The following TTLL3 variants were observed in gnomAD, a reference collection of about 807,000 sequenced individuals.
TTLL3 encodes tubulin monoglycylase TTLL3.
A neutral mutation model predicts 75.2 loss-of-function variants in TTLL3; 63 were observed. The ratio of observed to expected loss-of-function variants is 0.84; its 90% CI spans 0.68 to 1.03. The LOEUF (loss-of-function observed/expected upper bound fraction) is 1.03. TTLL3 is among the 50% of genes least tolerant of loss of function. The pLI, the probability that TTLL3 is intolerant of heterozygous loss-of-function variation, is 0.00. For synonymous variants in TTLL3, 393 were observed against 418.5 expected, an observed-to-expected ratio of 0.94 and a Z score of 0.74; for missense variants, 997 against 1,069.9, an observed-to-expected ratio of 0.93 and a Z score of 0.95.
Position 9,827,049 on chromosome 3 carries a change from C to A in TTLL3, c.1056C>A (p.Asn352Lys), listed in dbSNP as rs770810356. 26 of 1,614,176 alleles carry A rather than the reference C, an allele frequency of 1.6e-5. No homozygotes were observed. The African/African-American group carries it at 2.3e-4, about 14-fold the overall frequency. Residue 352 changes from asparagine (N) to lysine (K), a missense_variant, in exon 10 of 14, where the codon AAC becomes AAA. Coordinates refer to ENST00000685419, the MANE Select transcript of TTLL3 (RefSeq NM_001387446.1). The stretch of plus-strand genomic sequence containing the variant: ...AGATGCTGAAGCTGGTGAACGGCAA[C>A]CCCGTGGTGATGAAGGACGGCAAGT... ...LEEMLKLVNGNPVVMKDGKWV... is the reference protein window; with the variant it reads ...LEEMLKLVNGKPVVMKDGKWV...
chr3:9,829,260 C>T lies in TTLL3; in HGVS notation c.1548C>T (p.Ser516=). Residue 516 remains serine (S), a synonymous_variant, in exon 11 of 14, where the codon AGC becomes AGT. Coordinates refer to ENST00000685419, the MANE Select transcript of TTLL3 (RefSeq NM_001387446.1). ...FQPWLIEINA[S]PTMAPSTAVT... is the part of the protein sequence containing the mutation. Reference sequence around the variant, plus strand: ...CCTGGCTGATTGAGATCAACGCCAGCCCCACGATGGCACCCTCCACAGCAG... The same window carrying T: ...CCTGGCTGATTGAGATCAACGCCAGTCCCACGATGGCACCCTCCACAGCAG... The T allele has an allele frequency of 6.2e-7, 1 of 1,614,228 alleles. No individual in the cohort carries two copies. Among genetic ancestry groups the T allele is most frequent in the Non-Finnish European group, 8.5e-7 (1 of 1,180,040 alleles).
chr3:9,828,538 G>C (rs983542519), intron 10 of TTLL3: 2 of 184,520 alleles, frequency 1.1e-5, no homozygotes, highest in African/African-American at 4.7e-5. Context: ...AGTGGGTACT[G>C]TTACTACCCC....
chr3:9,825,636 A>C (rs1368114954), intron 8 of TTLL3, 164 bp from the exon 9 acceptor site: 2 of 1,299,724 alleles, frequency 1.5e-6, no homozygotes, highest in Non-Finnish European at 2.2e-6. Flanking sequence ...GGGTGGCTTG[A>C]AGGTGGGGCC....
chr3:9,813,142 T>A, intron 3 of TTLL3, 31 bp downstream of exon 3: 1 of 1,595,824 alleles, frequency 6.3e-7, no homozygotes, highest in Non-Finnish European at 8.6e-7. Flanking sequence ...CCACAGCTGT[T>A]GCTCCTGAGT....
At position 9,816,181 on chromosome 3, in the gene TTLL3, G is replaced by A. The variant is rs887783354; in HGVS notation, c.423G>A (p.Arg141=). ...ATCAGATGATAAACCACTACGCCCG[G>A]GCTGGCTCCTTTACCACAAAGGTGG... is the stretch of plus-strand genomic sequence containing the variant. ...SKDQMINHYA[R]AGSFTTKVGL... is the part of the protein sequence containing the mutation. Residue 141 remains arginine (R), a synonymous_variant, in exon 5 of 14, where the codon CGG becomes CGA. Transcript: ENST00000685419. 1.5e-6 allele frequency: 2 copies of A among 1,354,340 alleles called. No homozygotes were observed. The highest frequency in any genetic ancestry group is 2.0e-6 in the Non-Finnish European group (2 of 1,016,112). The allele number at this position is 1,354,340 out of a possible 1,614,324, so 83.9% of individuals were successfully genotyped here.
chr3:9,809,911 G>C, upstream of TTLL3: 1 of 904,074 alleles, frequency 1.1e-6, no homozygotes, highest in South Asian at 3.5e-5. Flanking sequence ...GGAGGACAAG[G>C]CTCGAGCCTA....
chr3:9,833,972 T>C (rs1182523683), intron 12 of TTLL3: 1 of 173,498 alleles, frequency 5.8e-6, no homozygotes, highest in Admixed American at 5.5e-5. Flanking sequence ...ATTAGCCGAG[T>C]GTAGGGGCAG....
intron 5 of TTLL3, 199 bp from the exon 6 acceptor site, chr3:9,817,446 G>A: frequency 4.1e-6 from 4 of 985,012 alleles, no homozygotes; most frequent in East Asian, 1.1e-4. Context: ...AATGTGAAAG[G>A]GGGGACAGGA....
chr3:9,821,779 G>T (rs961202926), intron 8 of TTLL3, among the ~76,000 whole-genome samples: 1 of 152,112 alleles, frequency 6.6e-6, no homozygotes, highest in Non-Finnish European at 1.5e-5. Context: ...GAGGCGGGCA[G>T]ATCACTTGAG....
chr3:9,817,251 C>T lies in TTLL3; in HGVS notation c.445-394C>T, dbSNP rs549391542. On this transcript the variant is annotated intron_variant, in intron 5 of 13. Coordinates refer to ENST00000685419, the MANE Select transcript of TTLL3 (RefSeq NM_001387446.1). ...CATCCTGGCTAACACGGTGAAATGC[C>T]GTCTCTATTAAAAATACAACAAATT... is the stretch of plus-strand genomic sequence containing the variant. Among the ~76,000 whole-genome samples, 6 of 152,192 alleles carry T rather than the reference C, an allele frequency of 3.9e-5. No individual in the cohort carries two copies. In the East Asian group the frequency reaches 1.2e-3, roughly 30 times the overall value.
rs920193189 is a variant in TTLL3, at chr3:9,810,469, G to A, written c.-42+75G>A. On this transcript the variant is annotated intron_variant, in intron 1 of 13. Transcript: ENST00000685419. The surrounding 1 kb of genome is among the most constrained non-coding windows in gnomAD (Gnocchi z 4.4). ...GACAAGACGCTGGGGTGGAGGGACT[G>A]GGGGTCGGGAGAAGAGCGGCTGAGG... The A allele has an allele frequency of 4.9e-5, 70 of 1,442,036 alleles. No individual in the cohort carries two copies. The highest frequency in any genetic ancestry group is 6.0e-5 in the Non-Finnish European group (66 of 1,100,252). 89.3% of individuals were successfully genotyped at this position (1,442,036 alleles called of 1,614,324 possible).
intron 7 of TTLL3, chr3:9,820,134 G>A: frequency 2.0e-6 from 2 of 1,004,888 alleles, no homozygotes; most frequent in Non-Finnish European, 2.4e-6. Context: ...AGTGGGTCTG[G>A]ATTTCTGGTG....
intron 2 of TTLL3, among the ~76,000 whole-genome samples, chr3:9,811,881 C>T (rs1174379985): frequency 1.3e-5 from 2 of 152,218 alleles, no homozygotes; most frequent in African/African-American, 4.8e-5. Context: ...TTCATGGCTT[C>T]CTTTCAACCT....
intron 4 of TTLL3, among the ~76,000 whole-genome samples, chr3:9,813,673 TA>T (rs1324193668): frequency 6.6e-6 from 1 of 152,098 alleles, no homozygotes; most frequent in East Asian, 1.9e-4. Flanking sequence ...TAGTCCCAGC[TA>T]CTCGGGAGGC....
chr3:9,818,721 A>C lies in TTLL3; in HGVS notation c.560-101A>C, dbSNP rs1327606732. On this transcript the variant is annotated intron_variant, in intron 6 of 13. Coordinates refer to ENST00000685419, the MANE Select transcript of TTLL3 (RefSeq NM_001387446.1). ...CTCTAGAGTCAGAAAAGGTAGAGTC[A>C]GGTTCTGGATCCAAAATGGGGCAAG... 1.9e-6 allele frequency: 3 copies of C among 1,592,732 alleles called. No homozygotes were observed. In the Admixed American group the frequency reaches 5.1e-5, roughly 27 times the overall value.
intron 8 of TTLL3, chr3:9,820,970 A>C: frequency 1.8e-6 from 1 of 570,658 alleles, no homozygotes; most frequent in Non-Finnish European, 2.9e-6. Flanking sequence ...CACCAAATGG[A>C]CAGCACATTA....
At chr3:9,828,902 G>C in intron 10 of TTLL3, 58 bp from the exon 11 acceptor site, 2 of 1,593,268 alleles carry the variant, frequency 1.3e-6, no homozygotes, top group East Asian at 2.2e-5. Flanking sequence ...TGTCCTCCCT[G>C]AGTTTGGATG....
At chr3:9,814,690 G>A (rs989228114) in intron 4 of TTLL3, among the ~76,000 whole-genome samples, 2 of 148,134 alleles carry the variant, frequency 1.4e-5, no homozygotes, top group African/African-American at 2.5e-5. Context: ...GCATGGTGGC[G>A]GGCGCCTGTA....
intron 7 of TTLL3, chr3:9,820,270 G>T (rs1268880064): frequency 1.6e-6 from 2 of 1,231,002 alleles, no homozygotes; most frequent in Admixed American, 7.5e-5. Flanking sequence ...CCCAGGGGCA[G>T]AGAGGCTATA....
Sources: gnomAD v4.1 joint callset for allele counts (sites outside exome capture counted in the v4.1 genomes callset) on GRCh38, gnomAD v4.1.1 for gene constraint, Gnocchi (gnomAD v3.1) non-coding constraint, MANE v1.5 for transcripts, NCBI Gene and HGNC (gene_info 2026-07-23, HGNC 2026-07-21) for gene names.